MR1: variants seen among roughly 807,000 people sequenced by gnomAD.
MR1 encodes the protein major histocompatibility complex class I-related protein 1.
Under a neutral mutation model 37.8 loss-of-function variants are expected in MR1, and 44 were observed. The observed-to-expected ratio is 1.16, with a 90% CI of 0.91 to 1.50. The LOEUF is 1.50. MR1 is among the 40% of genes most tolerant of loss of function. The pLI, the probability that MR1 is intolerant of heterozygous loss-of-function variation, is 0.00. For synonymous variants in MR1, 153 were observed against 155.8 expected (o/e 0.98, Z 0.13); for missense variants, 386 against 419.1 (o/e 0.92, Z 0.69).
At chr1:181,036,073 G>A (rs893308493) in intron 1 of MR1, among the ~76,000 whole-genome samples, 4 of 152,014 alleles carry the variant, frequency 2.6e-5, no homozygotes, top group African/African-American at 4.8e-5. Flanking sequence ...CAGAGAGCAG[G>A]GAGGAAAGAG....
intron 1 of MR1, among the ~76,000 whole-genome samples, chr1:181,040,072 G>A (rs910642196): frequency 1.3e-5 from 2 of 151,992 alleles, no homozygotes; most frequent in African/African-American, 4.8e-5. Flanking sequence ...TGTGTCGTTC[G>A]GGTTCTCCAG....
At position 181,061,036 on chromosome 1, in the gene MR1, A is replaced by G. The variant is rs1658878796; in HGVS notation, c.*5771A>G. ...GCTCTCATTGAGGCCACCTTCTCCA[A>G]CAAGCTCCCCTCCTGCTTCCCCATG... is the stretch of plus-strand genomic sequence containing the variant. On this transcript the variant is annotated 3_prime_UTR_variant, in exon 6 of 6. Coordinates refer to ENST00000367580, the MANE Select transcript of MR1 (RefSeq NM_001385161.1). 6.6e-6 allele frequency: 1 copy of G among 152,396 alleles called. No individual in the cohort carries two copies. Among genetic ancestry groups the G allele is most frequent in the African/African-American group, 2.4e-5 (1 of 41,468 alleles). 9.4% of individuals were successfully genotyped at this position (152,396 alleles called of 1,614,324 possible).
intron 2 of MR1, chr1:181,049,514 T>C: frequency 1.6e-6 from 1 of 632,618 alleles, no homozygotes. Flanking sequence ...GAGCACTCTG[T>C]CATTTGCCCC....
At chr1:181,037,308 T>C (rs943827870) in intron 1 of MR1, among the ~76,000 whole-genome samples, 3 of 152,234 alleles carry the variant, frequency 2.0e-5, no homozygotes, top group Non-Finnish European at 2.9e-5. Context: ...AGAGTTAACA[T>C]GAGAAAATAT....
At chr1:181,049,562 C>T (rs1211661029) in intron 2 of MR1, 6 of 564,482 alleles carry the variant, frequency 1.1e-5, no homozygotes, top group Non-Finnish European at 1.9e-5. Context: ...TATCTGCATC[C>T]CATTTCCACT....
chr1:181,035,070 G>A (rs1163144191), intron 1 of MR1, among the ~76,000 whole-genome samples: 3 of 152,128 alleles, frequency 2.0e-5, no homozygotes, highest in African/African-American at 7.2e-5. Flanking sequence ...AGAGGCCGAG[G>A]CAGACGGATC....
intron 1 of MR1, among the ~76,000 whole-genome samples, chr1:181,047,610 T>TAAA (rs1657972199): frequency 8.4e-6 from 1 of 118,438 alleles, no homozygotes; most frequent in African/African-American, 3.3e-5. Flanking sequence ...AAAAAATAAA[T>TAAA]AAATAGGCTG....
chr1:181,053,299 T>C (rs1441369491), intron 4 of MR1, among the ~76,000 whole-genome samples: 7 of 151,926 alleles, frequency 4.6e-5, no homozygotes, highest in Non-Finnish European at 7.4e-5. Context: ...GGAGGATCGC[T>C]TGAGCCCAGG....
Position 181,056,244 on chromosome 1 carries a change from G to T in MR1, c.*979G>T, listed in dbSNP as rs1658609359. 1 of 151,864 alleles carries T rather than the reference G, an allele frequency of 6.6e-6. No homozygotes were observed. Among genetic ancestry groups the T allele is most frequent in the South Asian group, 2.1e-4 (1 of 4,822 alleles). 9.4% of individuals were successfully genotyped at this position (151,864 alleles called of 1,614,324 possible). ...CTGGGCATGGTGTTGCGTGCCTGTA[G>T]TCCCAGCTACTTGGGAGGCTGAGAC... On this transcript the variant is annotated 3_prime_UTR_variant, in exon 6 of 6. Coordinates refer to ENST00000367580, the MANE Select transcript of MR1 (RefSeq NM_001385161.1).
rs1218968390 is a variant in MR1, at chr1:181,057,015, G to C, written c.*1750G>C. On this transcript the variant is annotated 3_prime_UTR_variant, in exon 6 of 6. Transcript: ENST00000367580. ...TGTGCCTATAGTCCCAGCTACTTGG[G>C]AGGCTAAGGCAGGAGAATCACTTGA... 1 of 152,288 alleles carries C rather than the reference G, an allele frequency of 6.6e-6. No homozygotes were observed. The highest frequency in any genetic ancestry group is 1.5e-5 in the Non-Finnish European group (1 of 68,158). The allele number at this position is 152,288 out of a possible 1,614,324, so 9.4% of individuals were successfully genotyped here. A position where few individuals can be genotyped will look rare whatever the true frequency, so the allele number is the denominator to read the frequency against.
Position 181,034,019 on chromosome 1 carries a change from G to T in MR1, c.12G>T (p.Leu4=). 6.2e-7 allele frequency: 1 copy of T among 1,612,872 alleles called. No homozygotes were observed. The highest frequency in any genetic ancestry group is 8.5e-7 in the Non-Finnish European group (1 of 1,179,594). ...GAAAGAGAAGGACTATGGGGGAACT[G>T]ATGGCGTTCCTGTTACCTCTCATCA... MGE[L]MAFLLPLIIV... Residue 4 remains leucine (L), a synonymous_variant, in exon 1 of 6, where the codon CTG becomes CTT. Transcript: ENST00000367580.
chr1:181,043,938 C>T (rs1657708263), intron 1 of MR1, among the ~76,000 whole-genome samples: 1 of 128,298 alleles, frequency 7.8e-6, no homozygotes, highest in Non-Finnish European at 1.6e-5. Flanking sequence ...ATTTTGTGAG[C>T]TGATTTTTTT....
chr1:181,048,786 T>C (rs1278547320), intron 1 of MR1, among the ~76,000 whole-genome samples: 2 of 152,192 alleles, frequency 1.3e-5, no homozygotes, highest in African/African-American at 2.4e-5. Flanking sequence ...CTATATTTTG[T>C]CTACAAGTTG....
At chr1:181,041,969 A>G (rs571587447) in intron 1 of MR1, among the ~76,000 whole-genome samples, 55 of 152,286 alleles carry the variant, frequency 3.6e-4, no homozygotes, top group African/African-American at 1.3e-3. Context: ...GAAGCATTGG[A>G]TATACAAATC....
intron 1 of MR1, among the ~76,000 whole-genome samples, chr1:181,044,668 C>T (rs1657756686): frequency 6.6e-6 from 1 of 152,324 alleles, no homozygotes; most frequent in East Asian, 1.9e-4. Flanking sequence ...CTCAGAGCTG[C>T]TGAGGTTTAC....
At chr1:181,047,178 A>G (rs1313936682) in intron 1 of MR1, among the ~76,000 whole-genome samples, 2 of 152,096 alleles carry the variant, frequency 1.3e-5, no homozygotes, top group South Asian at 2.1e-4. Flanking sequence ...AGGGCCAAAC[A>G]GTTTTGTTTC....
intron 1 of MR1, 114 bp from the exon 2 acceptor site, chr1:181,048,938 T>C: frequency 7.4e-7 from 1 of 1,357,278 alleles, no homozygotes; most frequent in South Asian, 1.4e-5. Context: ...AGCTGGGGCG[T>C]GGAGGCCTGG....
Position 181,060,731 on chromosome 1 carries a change from C to A in MR1, c.*5466C>A, listed in dbSNP as rs1225921212. ...TGTTCTTGGTCTTCAACTTTCATCCCTGATGGTGAAAGCAGTTGCTCCTGA... is the reference window on the plus strand; with the variant it reads ...TGTTCTTGGTCTTCAACTTTCATCCATGATGGTGAAAGCAGTTGCTCCTGA... On this transcript the variant is annotated 3_prime_UTR_variant, in exon 6 of 6. Coordinates refer to ENST00000367580, the MANE Select transcript of MR1 (RefSeq NM_001385161.1). 1 of 152,252 alleles carries A rather than the reference C, an allele frequency of 6.6e-6. No homozygotes were observed. Among genetic ancestry groups the A allele is most frequent in the South Asian group, 2.1e-4 (1 of 4,830 alleles). The allele number at this position is 152,252 out of a possible 1,614,324, so 9.4% of individuals were successfully genotyped here.
In MR1 at chr1:181,056,367, T is replaced by TAAA. The variant is rs1187839277; in HGVS notation, c.*1104_*1105insAAA. On this transcript the variant is annotated 3_prime_UTR_variant, in exon 6 of 6. Coordinates refer to ENST00000367580, the MANE Select transcript of MR1 (RefSeq NM_001385161.1). ...GACAGAGTGAGACTCTATCTCAAAA[T>TAAA]AATAATAATAATAATAATAATAATA... The TAAA allele has an allele frequency of 2.3e-5, 1 of 43,218 alleles. No individual in the cohort carries two copies. Among genetic ancestry groups the TAAA allele is most frequent in the Non-Finnish European group, 3.6e-5 (1 of 27,998 alleles). 2.7% of individuals were successfully genotyped at this position (43,218 alleles called of 1,614,324 possible).
Sources: gnomAD v4.1 joint callset for allele counts (sites outside exome capture counted in the v4.1 genomes callset) on GRCh38, gnomAD v4.1.1 for gene constraint, MANE v1.5 for transcripts, NCBI Gene and HGNC (gene_info 2026-07-23, HGNC 2026-07-21) for gene names.